The following ADGRG7 variants were observed in gnomAD, a reference collection of about 807,000 sequenced individuals.
The protein encoded by ADGRG7 is adhesion G protein-coupled receptor G7.
A neutral mutation model predicts 88.6 loss-of-function variants in ADGRG7; 82 were observed. The ratio of observed to expected loss-of-function variants is 0.93; its 90% CI spans 0.77 to 1.11. The LOEUF (loss-of-function observed/expected upper bound fraction) is 1.11. Among genes scored for constraint, ADGRG7 ranks in the 50% most tolerant of loss-of-function variants. The pLI, the probability that ADGRG7 is intolerant of heterozygous loss-of-function variation, is 0.00. For missense variants in ADGRG7, 945 were observed against 953.4 expected (o/e 0.99, Z 0.12); for synonymous variants, 381 against 345.2 (o/e 1.10, Z -1.15).
chr3:100,634,663 T>C (rs1323322621), intron 4 of ADGRG7, among the ~76,000 whole-genome samples: 10 of 152,144 alleles, frequency 6.6e-5, no homozygotes, highest in Non-Finnish European at 1.5e-4. Flanking sequence ...ACACAAGTTG[T>C]GCCAACCCAC....
intron 1 of ADGRG7, among the ~76,000 whole-genome samples, chr3:100,629,100 G>T (rs1145351): frequency 6.6e-6 from 1 of 151,824 alleles, no homozygotes; most frequent in Admixed American, 6.6e-5. Flanking sequence ...GATTTTTGCA[G>T]TTCGTATCCT....
intron 15 of ADGRG7, among the ~76,000 whole-genome samples, chr3:100,674,707 A>G (rs573331851): frequency 6.6e-6 from 1 of 151,904 alleles, no homozygotes; most frequent in Non-Finnish European, 1.5e-5. Flanking sequence ...CCTCCTGAGT[A>G]GCTGGGACTA....
intron 1 of ADGRG7, among the ~76,000 whole-genome samples, chr3:100,611,308 T>TTCCTTCTTTCC (rs1707150349): frequency 2.8e-5 from 2 of 70,700 alleles, no homozygotes; most frequent in Non-Finnish European, 7.5e-5. Flanking sequence ...TCCTTTCTTC[T>TTCCTTCTTTCC]TTCCTTCCTT....
chr3:100,618,273 C>A (rs146439321), intron 1 of ADGRG7, among the ~76,000 whole-genome samples: 43,724 of 151,698 alleles, frequency 0.29, 6,722 homozygotes, highest in Non-Finnish European at 0.34. Flanking sequence ...TTGGTGTTTT[C>A]GACATGAAGT....
Position 100,609,885 on chromosome 3 carries a change from G to C in ADGRG7, c.29G>C (p.Arg10Thr), listed in dbSNP as rs1707120424. The C allele has an allele frequency of 1.2e-6, 2 of 1,614,018 alleles. No individual in the cohort carries two copies. Among genetic ancestry groups the C allele is most frequent in the East Asian group, 4.5e-5 (2 of 44,876 alleles). ...GCTTCCTGCCGTGCCTGGAACCTTA[G>C]GGTGCTGGTGGCTGTCGTGTGTGGA... MASCRAWNL[R>T]VLVAVVCGLL... Residue 10 changes from arginine (R) to threonine (T), a missense_variant, in exon 1 of 16, where the codon AGG becomes ACG. By Grantham distance (71) the Arg-to-Thr change is moderately conservative (BLOSUM62 -1). Coordinates refer to ENST00000273352, the MANE Select transcript of ADGRG7 (RefSeq NM_032787.3).
intron 15 of ADGRG7, among the ~76,000 whole-genome samples, chr3:100,678,940 C>T (rs778392728): frequency 6.6e-6 from 1 of 152,178 alleles, no homozygotes; most frequent in African/African-American, 2.4e-5. Flanking sequence ...TCTCCCAAGG[C>T]CTGTGGTGAC....
intron 8 of ADGRG7, 35 bp downstream of exon 8, chr3:100,643,668 G>A (rs757594564): frequency 7.2e-7 from 1 of 1,393,680 alleles, no homozygotes. Flanking sequence ...TAAAAAAATG[G>A]ACTCGAATTC....
chr3:100,682,189 G>A (rs573075622), intron 15 of ADGRG7, among the ~76,000 whole-genome samples: 14 of 152,228 alleles, frequency 9.2e-5, no homozygotes, highest in African/African-American at 3.4e-4. Flanking sequence ...CCCACCCCCG[G>A]GAGCTGCCCT....
At chr3:100,694,317 A>G (rs1167727861) in intron 15 of ADGRG7, among the ~76,000 whole-genome samples, 1 of 152,144 alleles carries the variant, frequency 6.6e-6, no homozygotes, top group Non-Finnish European at 1.5e-5. Flanking sequence ...AGGGCTTTAC[A>G]TTTTTTTGTC....
At chr3:100,690,969 C>G (rs1394490375) in intron 15 of ADGRG7, among the ~76,000 whole-genome samples, 2 of 152,202 alleles carry the variant, frequency 1.3e-5, no homozygotes, top group Non-Finnish European at 2.9e-5. Flanking sequence ...GAGGTGGAGC[C>G]TACAGAGGCA....
chr3:100,633,322 T>C lies in ADGRG7; in HGVS notation c.392T>C (p.Leu131Ser), dbSNP rs1387345956. The change falls in exon 4 of 16, where the codon TTA becomes TCA. Residue 131 changes from leucine to serine, a missense_variant. Physicochemically the swap from Leu to Ser is moderately radical, Grantham distance 145 (BLOSUM62 -2). Transcript: ENST00000273352. ...CSLSLYGEIE[L>S]QKVTIGNCNE... is the part of the protein sequence containing the mutation. Reference sequence around the variant, plus strand: ...CTCTCTCTATATGGAGAGATAGAATTACAAAAAGTGACAATAGGAAATTGC... The same window carrying C: ...CTCTCTCTATATGGAGAGATAGAATCACAAAAAGTGACAATAGGAAATTGC... The C allele has an allele frequency of 1.3e-6, 2 of 1,590,714 alleles. No homozygotes were observed. The highest frequency in any genetic ancestry group is 2.3e-5 in the East Asian group (1 of 43,186).
chr3:100,663,431 A>C (rs1279573583), intron 14 of ADGRG7, among the ~76,000 whole-genome samples: 1 of 152,062 alleles, frequency 6.6e-6, no homozygotes, highest in Non-Finnish European at 1.5e-5. Flanking sequence ...AAGAATTCTT[A>C]AACTTCCTGG....
At chr3:100,614,338 C>T (rs1338313903) in intron 1 of ADGRG7, among the ~76,000 whole-genome samples, 1 of 152,168 alleles carries the variant, frequency 6.6e-6, no homozygotes, top group African/African-American at 2.4e-5. Flanking sequence ...TTATGCTACA[C>T]TGTACCATCA....
intron 11 of ADGRG7, 68 bp downstream of exon 11, chr3:100,649,875 C>G: frequency 1.1e-6 from 1 of 875,828 alleles, no homozygotes; most frequent in Non-Finnish European, 1.9e-6. Context: ...TCTGAGAATT[C>G]TCATGAGTAG....
Position 100,655,970 on chromosome 3 carries a change from G to T in ADGRG7, c.1798G>T (p.Glu600Ter), listed in dbSNP as rs750757389. The change falls in exon 13 of 16, where the codon GAA (glutamate) becomes TAA (stop). Residue 600 changes from glutamate (E) to a stop codon, truncating the protein, a stop_gained. Coordinates refer to ENST00000273352, the MANE Select transcript of ADGRG7 (RefSeq NM_032787.3). LOFTEE classifies it high-confidence loss of function. ...TCAGAATGGAAATAATCCACAGTGGGAATTAGACTACCGGCAAGAGAAAAT... is the reference window on the plus strand; with the variant it reads ...TCAGAATGGAAATAATCCACAGTGGTAATTAGACTACCGGCAAGAGAAAAT... ...YSQNGNNPQW[E>*]LDYRQEKICW... The T allele has an allele frequency of 5.6e-6, 9 of 1,607,074 alleles. No individual in the cohort carries two copies. The Admixed American group carries it at 1.3e-4, about 24-fold the overall frequency.
At chr3:100,674,609 G>A (rs1367473186) in intron 15 of ADGRG7, among the ~76,000 whole-genome samples, 5 of 143,014 alleles carry the variant, frequency 3.5e-5, no homozygotes, top group Admixed American at 7.2e-5. Flanking sequence ...ACAGAGTCTC[G>A]CTCTGTCACC....
intron 15 of ADGRG7, among the ~76,000 whole-genome samples, chr3:100,691,700 A>T (rs186189877): frequency 6.6e-6 from 1 of 151,362 alleles, no homozygotes; most frequent in African/African-American, 2.4e-5. Flanking sequence ...TTATTTATTG[A>T]TGGGCTTTAT....
intron 1 of ADGRG7, among the ~76,000 whole-genome samples, chr3:100,615,989 G>T (rs1470123325): frequency 1.3e-5 from 2 of 150,826 alleles, no homozygotes; most frequent in Admixed American, 1.3e-4. Flanking sequence ...ACTATCATCT[G>T]TTCAGAGCCA....
At chr3:100,648,285 A>AT (rs1434167100) in intron 10 of ADGRG7, among the ~76,000 whole-genome samples, 1 of 146,960 alleles carries the variant, frequency 6.8e-6, no homozygotes, top group African/African-American at 2.5e-5. Flanking sequence ...GGTTTGCATT[A>AT]TTTTTTTAAA....
Sources: gnomAD v4.1 joint callset for allele counts (sites outside exome capture counted in the v4.1 genomes callset) on GRCh38, gnomAD v4.1.1 for gene constraint, MANE v1.5 for transcripts, NCBI Gene and HGNC (gene_info 2026-07-23, HGNC 2026-07-21) for gene names.